The following AGMO variants were observed in gnomAD, a reference collection of about 807,000 sequenced individuals.
AGMO encodes the protein alkylglycerol monooxygenase, also known as glyceryl-ether monooxygenase.
Under a neutral mutation model 60.2 loss-of-function variants are expected in AGMO, and 75 were observed. The observed-to-expected ratio is 1.25, with a 90% CI of 1.03 to 1.51. The LOEUF is 1.51. Among genes scored for constraint, AGMO ranks in the 40% most tolerant of loss-of-function variants. The pLI, the probability that AGMO is intolerant of heterozygous loss-of-function variation, is 0.00. For missense variants in AGMO, 763 were observed against 525.5 expected (o/e 1.45, Z -4.42); for synonymous variants, 261 against 177.1 (o/e 1.47, Z -3.76).
At chr7:15,368,382 T>A (rs915086070) in intron 10 of AGMO, among the ~76,000 whole-genome samples, 1 of 152,042 alleles carries the variant, frequency 6.6e-6, no homozygotes, top group Non-Finnish European at 1.5e-5. Context: ...TATTGCTTCA[T>A]TGTGGTTTTG....
At chr7:15,343,073 T>G (rs1781916960) in intron 12 of AGMO, among the ~76,000 whole-genome samples, 1 of 152,086 alleles carries the variant, frequency 6.6e-6, no homozygotes, top group Non-Finnish European at 1.5e-5. Flanking sequence ...TTAAGAAAAT[T>G]TATACTTTTA....
At chr7:15,269,349 T>C (rs566924311) in intron 12 of AGMO, among the ~76,000 whole-genome samples, 2 of 152,060 alleles carry the variant, frequency 1.3e-5, no homozygotes, top group South Asian at 4.1e-4. Flanking sequence ...GGTAAATGTG[T>C]TGTAATATAG....
At chr7:15,121,681 C>T in the AGMO span, among the ~76,000 whole-genome samples, 36 of 152,050 alleles carry the variant, frequency 2.4e-4, no homozygotes, top group South Asian at 2.1e-3. Flanking sequence ...CTTCAAACTA[C>T]GGAAGGCTAC....
chr7:15,362,955 T>G (rs905719165), intron 12 of AGMO, among the ~76,000 whole-genome samples: 2 of 152,220 alleles, frequency 1.3e-5, no homozygotes, highest in Non-Finnish European at 2.9e-5. Flanking sequence ...GTTCCCTGAC[T>G]TATTCACTTA....
chr7:15,428,976 G>A (rs1278268152), intron 4 of AGMO, among the ~76,000 whole-genome samples: 1 of 152,008 alleles, frequency 6.6e-6, no homozygotes, highest in Non-Finnish European at 1.5e-5. Context: ...TTTTTAAGAA[G>A]GGAGGATGAA....
At chr7:15,274,722 T>C (rs1273605762) in intron 12 of AGMO, among the ~76,000 whole-genome samples, 1 of 151,692 alleles carries the variant, frequency 6.6e-6, no homozygotes, top group East Asian at 1.9e-4. Flanking sequence ...GATTTTTTCA[T>C]TACTGATTCA....
In AGMO at chr7:15,358,531, G is replaced by C. The variant is rs558541659; in HGVS notation, c.1263+6983C>G. The C allele has an allele frequency of 9.5e-6, 4 of 423,230 alleles. No homozygotes were observed. In the East Asian group the frequency reaches 2.4e-4, roughly 25 times the overall value. The allele number at this position is 423,230 out of a possible 1,614,324, so 26.2% of individuals were successfully genotyped here. A position where few individuals can be genotyped will look rare whatever the true frequency, so the allele number is the denominator to read the frequency against. On this transcript the variant is annotated intron_variant, in intron 12 of 12. Transcript: ENST00000342526. ...AATTAGGAGGGTAAGAATCCCTCCA[G>C]GGATTCCCTTCTTAGATGCAGGTGG...
the AGMO span, among the ~76,000 whole-genome samples, chr7:15,163,061 G>A: frequency 2.0e-5 from 3 of 152,026 alleles, no homozygotes; most frequent in African/African-American, 7.2e-5. Context: ...TGCATTTCTA[G>A]GTATTTGATT....
the AGMO span, among the ~76,000 whole-genome samples, chr7:15,179,190 C>T: frequency 2.6e-5 from 4 of 152,064 alleles, no homozygotes; most frequent in South Asian, 8.3e-4. Flanking sequence ...GGGGCCATAA[C>T]ATCAGTCGGG....
At chr7:15,303,423 G>C (rs894182279) in intron 12 of AGMO, among the ~76,000 whole-genome samples, 3 of 146,204 alleles carry the variant, frequency 2.1e-5, no homozygotes, top group Non-Finnish European at 4.5e-5. Flanking sequence ...ACAAGGAAGA[G>C]AATGGAAAAA....
At chr7:15,546,552 C>T (rs1366893678) in intron 2 of AGMO, among the ~76,000 whole-genome samples, 1 of 152,216 alleles carries the variant, frequency 6.6e-6, no homozygotes, top group Non-Finnish European at 1.5e-5. Context: ...GTCCAAACCC[C>T]TCAACCTGAC....
chr7:15,385,294 T>C (rs549423324), intron 10 of AGMO, 152 bp downstream of exon 10: 3 of 542,182 alleles, frequency 5.5e-6, no homozygotes, highest in South Asian at 2.7e-5. Flanking sequence ...GTCTAGAAGA[T>C]TTGTTTTACC....
At chr7:15,392,054 T>C (rs1485509128) in intron 6 of AGMO, among the ~76,000 whole-genome samples, 1 of 152,198 alleles carries the variant, frequency 6.6e-6, no homozygotes, top group East Asian at 1.9e-4. Context: ...CTCGACTTCC[T>C]ATATTTTTTA....
downstream of AGMO, among the ~76,000 whole-genome samples, chr7:15,199,680 G>A (rs1781222017): frequency 6.6e-6 from 1 of 152,114 alleles, no homozygotes; most frequent in African/African-American, 2.4e-5. Context: ...GCTCCCTACT[G>A]TAACATGATT....
intron 3 of AGMO, among the ~76,000 whole-genome samples, chr7:15,464,981 G>T (rs1025881555): frequency 1.3e-5 from 2 of 152,148 alleles, no homozygotes; most frequent in African/African-American, 4.8e-5. Context: ...GTCAATGACT[G>T]CTCGACACTT....
intron 3 of AGMO, among the ~76,000 whole-genome samples, chr7:15,500,089 T>C (rs539716959): frequency 5.9e-5 from 9 of 151,918 alleles, no homozygotes; most frequent in Admixed American, 3.9e-4. Flanking sequence ...TACATTGTCT[T>C]ACAGTTTTGG....
At chr7:15,204,895 G>T (rs534538620) in intron 12 of AGMO, among the ~76,000 whole-genome samples, 1 of 152,124 alleles carries the variant, frequency 6.6e-6, no homozygotes, top group Non-Finnish European at 1.5e-5. Flanking sequence ...GTCTTGCTAT[G>T]TTGCCCAAAC....
At position 15,201,293 on chromosome 7, in the gene AGMO, A is replaced by G; in HGVS notation, c.1330T>C (p.Trp444Arg). 1 of 1,608,658 alleles carries G rather than the reference A, an allele frequency of 6.2e-7. No individual in the cohort carries two copies. The highest frequency in any genetic ancestry group is 1.7e-5 in the Admixed American group (1 of 59,518). Residue 444 changes from tryptophan to arginine, a missense_variant, in exon 13 of 13, where the codon TGG becomes CGG. Transcript: ENST00000342526. Reference protein sequence around the residue: ...RSMKQLTSHPWK With the variant: ...RSMKQLTSHPRK Reference sequence around the variant, plus strand: ...TTATGTACAAATTCAGGTTATTTCCAAGGGTGAGAGGTGAGTTGTTTCATG... The same window carrying G: ...TTATGTACAAATTCAGGTTATTTCCGAGGGTGAGAGGTGAGTTGTTTCATG...
At chr7:15,148,565 T>C in the AGMO span, among the ~76,000 whole-genome samples, 1 of 151,532 alleles carries the variant, frequency 6.6e-6, no homozygotes, top group Admixed American at 6.6e-5. Flanking sequence ...TTCCCACTTA[T>C]AAGTGGGAAT....
Sources: allele counts gnomAD v4.1 joint callset (sites outside exome capture counted in the v4.1 genomes callset), GRCh38; gene constraint gnomAD v4.1.1; transcripts MANE v1.5; gene names NCBI Gene and HGNC (gene_info 2026-07-23, HGNC 2026-07-21).